Variants in LHFPL3 observed in about 807,000 individuals in gnomAD.
LHFPL3 encodes LHFPL tetraspan subfamily member 3 protein.
A neutral mutation model predicts 19.3 loss-of-function variants in LHFPL3; 5 were observed. The ratio of observed to expected loss-of-function variants is 0.26; its 90% CI spans 0.14 to 0.54. LHFPL3 has a LOEUF of 0.54. Ranked by LOEUF, LHFPL3 falls within the 20% of genes least tolerant of loss-of-function variation. The pLI is 0.94. For synonymous variants in LHFPL3, 133 were observed against 126.2 expected (o/e 1.05, Z -0.36); for missense variants, 249 against 307.4 (o/e 0.81, Z 1.42).
chr7:104,331,879 G>A (rs1302469075), intron 1 of LHFPL3, among the ~76,000 whole-genome samples: 2 of 152,010 alleles, frequency 1.3e-5, no homozygotes, highest in African/African-American at 4.8e-5. Context: ...GAGCTTGGGA[G>A]GCGGAAGCTG....
chr7:104,767,986 ACATGGTATCCCATTTG>A (rs1794485894), intron 2 of LHFPL3, among the ~76,000 whole-genome samples: 1 of 152,146 alleles, frequency 6.6e-6, no homozygotes, highest in Admixed American at 6.6e-5. Context: ...CATCCTCATC[ACATGGTATCCCATTTG>A]CTAATCCCTA....
At chr7:104,897,673 A>G (rs1218583043) in intron 2 of LHFPL3, among the ~76,000 whole-genome samples, 2 of 152,230 alleles carry the variant, frequency 1.3e-5, no homozygotes, top group African/African-American at 2.4e-5. Flanking sequence ...TTGGGTTTTT[A>G]TAGATAATTG....
At position 104,522,789 on chromosome 7, in the gene LHFPL3, T is replaced by G. The variant is rs562164701; in HGVS notation, c.445+193565T>G. 1.1e-4 allele frequency among the ~76,000 whole-genome samples: 17 copies of G among 152,246 alleles called. No individual in the cohort carries two copies. The South Asian group carries it at 3.3e-3, about 30-fold the overall frequency. The stretch of plus-strand genomic sequence containing the variant: ...GAAGGCTCACAGCATGGTGCAGGAT[T>G]TGATCAGGGCCTTGAAACAGGGTAA... On this transcript the variant is annotated intron_variant, in intron 1 of 2. Transcript: ENST00000424859.
At chr7:104,457,395 T>G (rs1304354528) in intron 1 of LHFPL3, among the ~76,000 whole-genome samples, 3 of 152,116 alleles carry the variant, frequency 2.0e-5, no homozygotes, top group Admixed American at 1.3e-4. Flanking sequence ...TGTGATAGTT[T>G]ACTGAGAATG....
chr7:104,674,363 T>C (rs934709745), intron 1 of LHFPL3, among the ~76,000 whole-genome samples: 57 of 150,622 alleles, frequency 3.8e-4, no homozygotes, highest in Non-Finnish European at 7.2e-4. Flanking sequence ...TGTTTTTCTT[T>C]TTCTTTTTCT....
At chr7:104,474,002 G>A (rs891299055) in intron 1 of LHFPL3, among the ~76,000 whole-genome samples, 3 of 152,114 alleles carry the variant, frequency 2.0e-5, no homozygotes, top group Admixed American at 6.6e-5. Context: ...TCCTCAATGT[G>A]TATTATTTAA....
intron 1 of LHFPL3, among the ~76,000 whole-genome samples, chr7:104,547,846 C>T (rs1169100011): frequency 1.3e-5 from 2 of 152,180 alleles, no homozygotes; most frequent in Non-Finnish European, 2.9e-5. Flanking sequence ...TTTTCGTTTA[C>T]ATCAAATGTG....
chr7:104,355,479 C>G (rs946104168), intron 1 of LHFPL3, among the ~76,000 whole-genome samples: 7 of 152,180 alleles, frequency 4.6e-5, no homozygotes, highest in Admixed American at 3.9e-4. Context: ...TAACTTGAAA[C>G]TAAATTTTCA....
At chr7:104,841,466 C>T (rs927730014) in intron 2 of LHFPL3, among the ~76,000 whole-genome samples, 1 of 147,772 alleles carries the variant, frequency 6.8e-6, no homozygotes, top group East Asian at 2.0e-4. Context: ...TGATTCAAGC[C>T]AATATGTATT....
At chr7:104,702,740 C>A (rs868667712) in intron 1 of LHFPL3, among the ~76,000 whole-genome samples, 1 of 152,202 alleles carries the variant, frequency 6.6e-6, no homozygotes, top group Non-Finnish European at 1.5e-5. Flanking sequence ...CTTCAATTAA[C>A]CCCTACTTTC....
intron 1 of LHFPL3, among the ~76,000 whole-genome samples, chr7:104,635,665 G>T (rs1271432284): frequency 6.6e-6 from 1 of 152,122 alleles, no homozygotes; most frequent in Non-Finnish European, 1.5e-5. Context: ...CATTTCTCAA[G>T]AAGTTACTGA....
intron 2 of LHFPL3, among the ~76,000 whole-genome samples, chr7:104,745,187 G>T (rs931903265): frequency 6.6e-6 from 1 of 152,134 alleles, no homozygotes; most frequent in Non-Finnish European, 1.5e-5. Context: ...CAAATTGTCC[G>T]CAGGAGTCGG....
chr7:104,380,764 T>C (rs544930543), intron 1 of LHFPL3, among the ~76,000 whole-genome samples: 1 of 152,156 alleles, frequency 6.6e-6, no homozygotes, highest in African/African-American at 2.4e-5. Flanking sequence ...TTCTCAAATT[T>C]GGAAGGACTT....
chr7:104,874,661 G>A (rs534816181), intron 2 of LHFPL3, among the ~76,000 whole-genome samples: 6 of 151,618 alleles, frequency 4.0e-5, no homozygotes, highest in East Asian at 3.9e-4. Flanking sequence ...TGCCCGCCTC[G>A]GCTGCCCAAA....
At chr7:104,831,880 G>A (rs34439336) in intron 2 of LHFPL3, among the ~76,000 whole-genome samples, 4 of 151,696 alleles carry the variant, frequency 2.6e-5, no homozygotes, top group Non-Finnish European at 4.4e-5. Context: ...TTGTTTTATC[G>A]GTAAATGGAG....
intron 1 of LHFPL3, among the ~76,000 whole-genome samples, chr7:104,621,632 A>G (rs1057076943): frequency 2.6e-5 from 4 of 152,184 alleles, no homozygotes; most frequent in African/African-American, 7.2e-5. Flanking sequence ...CTGTGGAGAT[A>G]ATGTCACACT....
intron 1 of LHFPL3, among the ~76,000 whole-genome samples, chr7:104,529,054 C>T (rs768248556): frequency 2.4e-4 from 36 of 152,174 alleles, no homozygotes; most frequent in Non-Finnish European, 3.8e-4. Flanking sequence ...TAGCTCTTGA[C>T]AGCTCCAGGC....
intron 2 of LHFPL3, among the ~76,000 whole-genome samples, chr7:104,778,983 A>G (rs2116417782): frequency 6.6e-6 from 1 of 152,334 alleles, no homozygotes; most frequent in Admixed American, 6.5e-5. Context: ...AATGCCATAC[A>G]TACTCTTTAG....
intron 1 of LHFPL3, among the ~76,000 whole-genome samples, chr7:104,329,463 C>A (rs1801529999): frequency 6.6e-6 from 1 of 152,234 alleles, no homozygotes; most frequent in African/African-American, 2.4e-5. Flanking sequence ...TGGGGGACGC[C>A]CACTCAGAGG....
Sources: gnomAD v4.1 joint callset for allele counts (sites outside exome capture counted in the v4.1 genomes callset) on GRCh38, gnomAD v4.1.1 for gene constraint, MANE v1.5 for transcripts, NCBI Gene and HGNC (gene_info 2026-07-23, HGNC 2026-07-21) for gene names.